Variants in NAV2 observed in about 807,000 individuals in gnomAD.
NAV2 encodes helicase, APC down-regulated 1.
In NAV2, 54 loss-of-function variants were observed where a neutral mutation model predicts 223.2. The ratio of observed to expected loss-of-function variants is 0.24; its 90% CI spans 0.19 to 0.30. The LOEUF is 0.30. Ranked by LOEUF, NAV2 falls within the 10% of genes least tolerant of loss-of-function variation. The pLI is 1.00. For synonymous variants in NAV2, 1,279 were observed against 1,239.3 expected (o/e 1.03, Z -0.67); for missense variants, 2,806 against 3,147.5 (o/e 0.89, Z 2.60).
chr11:20,004,505 C>T (rs1042144870), intron 11 of NAV2, among the ~76,000 whole-genome samples: 2 of 152,210 alleles, frequency 1.3e-5, no homozygotes, highest in African/African-American at 4.8e-5. Flanking sequence ...TGGCTTCTCT[C>T]TGCTGCCACT....
intron 10 of NAV2, among the ~76,000 whole-genome samples, chr11:19,964,652 C>A (rs1406167461): frequency 1.3e-5 from 2 of 151,868 alleles, no homozygotes; most frequent in African/African-American, 2.4e-5. Flanking sequence ...TGTACCACCA[C>A]ACCCAGCTAA....
intron 10 of NAV2, among the ~76,000 whole-genome samples, chr11:19,959,017 AG>A (rs1354630003): frequency 3.3e-5 from 5 of 152,186 alleles, no homozygotes; most frequent in Non-Finnish European, 7.4e-5. Flanking sequence ...CCAGTTACAC[AG>A]GGGACACAAA....
chr11:19,515,865 C>A (rs1395391484), intron 1 of NAV2, among the ~76,000 whole-genome samples: 1 of 152,126 alleles, frequency 6.6e-6, no homozygotes, highest in Non-Finnish European at 1.5e-5. Flanking sequence ...TGGGATGAGG[C>A]ATGTGAGTGA....
At chr11:19,580,367 A>G (rs1208249419) in intron 1 of NAV2, among the ~76,000 whole-genome samples, 1 of 151,686 alleles carries the variant, frequency 6.6e-6, no homozygotes, top group African/African-American at 2.4e-5. Context: ...AGACATTTAT[A>G]TTTTACAGTT....
chr11:20,110,019 C>G (rs967226696), intron 36 of NAV2, among the ~76,000 whole-genome samples: 1 of 152,228 alleles, frequency 6.6e-6, no homozygotes, highest in African/African-American at 2.4e-5. Context: ...CCCTTCCCAC[C>G]TAGGAGAGGT....
chr11:19,496,050 C>T (rs749711051), intron 1 of NAV2, among the ~76,000 whole-genome samples: 64 of 151,998 alleles, frequency 4.2e-4, no homozygotes, highest in Admixed American at 1.6e-3. Context: ...CTTCCAGAAA[C>T]GAAGAAGCAG....
At chr11:19,779,732 A>G (rs2056591654) in intron 1 of NAV2, among the ~76,000 whole-genome samples, 2 of 152,360 alleles carry the variant, frequency 1.3e-5, no homozygotes, top group East Asian at 3.9e-4. Context: ...TTAAATGGGA[A>G]CTATCATTAT....
At chr11:19,989,465 C>T (rs565629619) in intron 11 of NAV2, among the ~76,000 whole-genome samples, 24 of 152,138 alleles carry the variant, frequency 1.6e-4, no homozygotes, top group South Asian at 2.1e-4. Flanking sequence ...TTTTAGCCCA[C>T]GAGACCCATG....
chr11:19,362,082 T>C (rs1218010698), intron 1 of NAV2, among the ~76,000 whole-genome samples: 1 of 152,180 alleles, frequency 6.6e-6, no homozygotes, highest in Non-Finnish European at 1.5e-5. Flanking sequence ...GGTGAGGCCC[T>C]GTAATGCAGG....
chr11:19,912,539 A>G (rs1343827040), intron 6 of NAV2, among the ~76,000 whole-genome samples: 2 of 152,242 alleles, frequency 1.3e-5, no homozygotes, highest in Admixed American at 1.3e-4. Context: ...ACTGGCACAA[A>G]ACAGAGATGC....
chr11:19,661,763 T>G (rs550336402), intron 1 of NAV2, among the ~76,000 whole-genome samples: 14 of 152,364 alleles, frequency 9.2e-5, no homozygotes, highest in African/African-American at 3.4e-4. Context: ...ATTTCATTGT[T>G]GATTTCATGT....
intron 1 of NAV2, among the ~76,000 whole-genome samples, chr11:19,508,012 T>A (rs2043173631): frequency 6.6e-6 from 1 of 152,178 alleles, no homozygotes; most frequent in Non-Finnish European, 1.5e-5. Context: ...CTAAGAGACA[T>A]GCATTTCTGG....
Position 19,892,503 on chromosome 11 carries a change from T to G in NAV2, c.840T>G (p.Thr280=). The part of the protein sequence containing the change: ...SEAKTRGGST[T]ANNRRSQSFN... ...CCAAAACACGCGGAGGGTCAACTAC[T>G]GCTAACAACCGACGCAGCCAGAGCT... Residue 280 remains threonine, a synonymous_variant, in exon 6 of 38, where the codon ACT becomes ACG. Coordinates refer to ENST00000349880, the MANE Select transcript of NAV2 (RefSeq NM_145117.5). 1 of 1,614,216 alleles carries G rather than the reference T, an allele frequency of 6.2e-7. No homozygotes were observed. Among genetic ancestry groups the G allele is most frequent in the Non-Finnish European group, 8.5e-7 (1 of 1,180,024 alleles).
chr11:19,415,585 C>T (rs1287011505), intron 1 of NAV2, among the ~76,000 whole-genome samples: 2 of 152,346 alleles, frequency 1.3e-5, no homozygotes, highest in East Asian at 3.9e-4. Flanking sequence ...TCCTCCCTAA[C>T]TCTTTTTATG....
chr11:19,938,471 C>T (rs986974335), intron 7 of NAV2, among the ~76,000 whole-genome samples: 7 of 152,194 alleles, frequency 4.6e-5, no homozygotes, highest in Admixed American at 2.6e-4. Flanking sequence ...AAAGACAGTC[C>T]TTTCCAAGCT....
intron 35 of NAV2, among the ~76,000 whole-genome samples, chr11:20,105,983 C>A (rs2061999066): frequency 6.6e-6 from 1 of 150,864 alleles, no homozygotes; most frequent in African/African-American, 2.4e-5. Flanking sequence ...CAAGGTTCCC[C>A]CAAGCTGAAG....
chr11:19,516,227 T>C (rs1274011073), intron 1 of NAV2, among the ~76,000 whole-genome samples: 1 of 152,154 alleles, frequency 6.6e-6, no homozygotes, highest in African/African-American at 2.4e-5. Flanking sequence ...ATGGGGATCT[T>C]TTGTCTTTTT....
chr11:19,679,430 C>CAAAAAAAAAAA lies in NAV2; in HGVS notation c.76-153047_76-153046insAAAAAAAAAAA, dbSNP rs56384242. Among the ~76,000 whole-genome samples, 14 of 114,114 alleles carry CAAAAAAAAAAA rather than the reference C, an allele frequency of 1.2e-4. 3 individuals are homozygous for CAAAAAAAAAAA. Among genetic ancestry groups the CAAAAAAAAAAA allele is most frequent in the South Asian group, 3.0e-4 (1 of 3,330 alleles). 74.9% of individuals were successfully genotyped at this position (114,114 alleles called of 152,430 possible). A position where few individuals can be genotyped will look rare whatever the true frequency, so the allele number is the denominator to read the frequency against. ...TGGGCAACAGAACGAGACTCTGTCT[C>CAAAAAAAAAAA]AAAAAAACACAAAAAGATTTGGGGG... On this transcript the variant is annotated intron_variant, in intron 1 of 37. Coordinates refer to the NAV2 transcript ENST00000360655.
At chr11:19,665,226 A>G (rs1431067545) in intron 1 of NAV2, among the ~76,000 whole-genome samples, 1 of 152,208 alleles carries the variant, frequency 6.6e-6, no homozygotes, top group African/African-American at 2.4e-5. Flanking sequence ...CTCTGCAGGA[A>G]CAGCAGCTTC....
Sources: allele counts gnomAD v4.1 joint callset (sites outside exome capture counted in the v4.1 genomes callset), GRCh38; gene constraint gnomAD v4.1.1; transcripts MANE v1.5; gene names NCBI Gene and HGNC (gene_info 2026-07-23, HGNC 2026-07-21).